MANBA: variants seen among roughly 807,000 people sequenced by gnomAD.
The protein encoded by MANBA is beta-mannosidase.
Under a neutral mutation model 111.1 loss-of-function variants are expected in MANBA, and 83 were observed. The ratio of observed to expected loss-of-function variants is 0.75; its 90% CI spans 0.63 to 0.90. MANBA has a LOEUF of 0.90. Ranked by LOEUF, MANBA falls within the 40% of genes least tolerant of loss-of-function variation. MANBA has a pLI of 0.00. For synonymous variants in MANBA, 370 were observed against 378.7 expected (o/e 0.98, Z 0.27); for missense variants, 1,036 against 1,069.0 (o/e 0.97, Z 0.43).
rs1270503700 is a variant in MANBA at position 102,760,782 on chromosome 4, A to G, written c.113T>C (p.Leu38Pro). Residue 38 changes from leucine to proline, a missense_variant, in exon 1 of 17, where the codon CTG becomes CCG. Coordinates refer to ENST00000647097, the MANE Select transcript of MANBA (RefSeq NM_005908.4). Reference protein sequence around the residue: ...NWSICNGNGSLELPGAVPGCV... With the variant: ...NWSICNGNGSPELPGAVPGCV... ...GCCAGGGACCGCCCCGGGCAGCTCC[A>G]GCGAGCCGTTCCCATTGCAGATGCT... The G allele has an allele frequency of 7.1e-6, 11 of 1,552,208 alleles. No homozygotes were observed. The highest frequency in any genetic ancestry group is 9.6e-6 in the Non-Finnish European group (11 of 1,148,304).
chr4:102,665,497 T>C (rs182283662), intron 10 of MANBA: 5 of 152,430 alleles, frequency 3.3e-5, no homozygotes, highest in East Asian at 1.9e-4. Context: ...TGTCGTGTCC[T>C]GAGAAATCAA....
intron 10 of MANBA, chr4:102,665,868 A>C (rs1423067733): frequency 1.3e-5 from 2 of 152,242 alleles, no homozygotes; most frequent in Non-Finnish European, 2.9e-5. Context: ...TGATGCTCTC[A>C]ATGTGTTCTC....
chr4:102,756,934 A>C (rs1464519923), intron 1 of MANBA, among the ~76,000 whole-genome samples: 1 of 152,026 alleles, frequency 6.6e-6, no homozygotes, highest in African/African-American at 2.4e-5. Context: ...GAAATTATTT[A>C]GTTTTCTGCC....
At chr4:102,718,461 C>T (rs1722431652) in intron 4 of MANBA, among the ~76,000 whole-genome samples, 1 of 152,080 alleles carries the variant, frequency 6.6e-6, no homozygotes, top group South Asian at 2.1e-4. Context: ...GAGAAAGGCC[C>T]TATAATATAA....
chr4:102,665,936 A>G (rs973382187), intron 10 of MANBA: 3 of 152,238 alleles, frequency 2.0e-5, no homozygotes, highest in Admixed American at 6.5e-5. Context: ...AAGGTATATT[A>G]AAGAGATATA....
chr4:102,739,140 A>C (rs1723316120), intron 1 of MANBA, among the ~76,000 whole-genome samples: 1 of 152,220 alleles, frequency 6.6e-6, no homozygotes, highest in Non-Finnish European at 1.5e-5. Flanking sequence ...GATACCACAG[A>C]AATACAAAAG....
At chr4:102,689,075 C>T (rs148661266) in intron 7 of MANBA, among the ~76,000 whole-genome samples, 137 of 152,170 alleles carry the variant, frequency 9.0e-4, no homozygotes, top group African/African-American at 3.1e-3. Context: ...TAAGGCCGGG[C>T]GCAGTGGCTC....
At chr4:102,632,680 C>T (rs1382617099) in intron 16 of MANBA, among the ~76,000 whole-genome samples, 3 of 152,216 alleles carry the variant, frequency 2.0e-5, no homozygotes, top group African/African-American at 7.2e-5. Context: ...GTGGAGCTTA[C>T]ATTCAAGTCT....
chr4:102,653,607 A>C (rs1419153539), intron 12 of MANBA, among the ~76,000 whole-genome samples: 1 of 152,200 alleles, frequency 6.6e-6, no homozygotes, highest in East Asian at 1.9e-4. Flanking sequence ...TTCTCAACTA[A>C]GCAGTGTAGC....
At chr4:102,754,305 C>A (rs1186913606) in intron 1 of MANBA, among the ~76,000 whole-genome samples, 1 of 151,980 alleles carries the variant, frequency 6.6e-6, no homozygotes, top group Admixed American at 6.6e-5. Flanking sequence ...AGCTATTTAA[C>A]TTTTAAATAT....
chr4:102,681,083 C>T (rs1731957277), intron 7 of MANBA, among the ~76,000 whole-genome samples: 1 of 152,176 alleles, frequency 6.6e-6, no homozygotes, highest in African/African-American at 2.4e-5. Flanking sequence ...GGGAGGGTTG[C>T]TTGAGGACAG....
intron 13 of MANBA, among the ~76,000 whole-genome samples, chr4:102,642,430 AC>A (rs1000851532): frequency 5.3e-5 from 8 of 152,072 alleles, no homozygotes; most frequent in African/African-American, 1.9e-4. Context: ...ACACGGTGAA[AC>A]CCCGTCTCTA....
At chr4:102,638,703 C>A (rs1729738110) in intron 14 of MANBA, among the ~76,000 whole-genome samples, 1 of 152,132 alleles carries the variant, frequency 6.6e-6, no homozygotes, top group South Asian at 2.1e-4. Context: ...CCAATTCTAC[C>A]CCTGATTCTC....
chr4:102,682,783 T>C (rs182094407), intron 7 of MANBA: 1 of 152,086 alleles, frequency 6.6e-6, no homozygotes. Flanking sequence ...TTGCCAGCAA[T>C]GATGAGAAAC....
chr4:102,684,269 T>C (rs951399045), intron 7 of MANBA, among the ~76,000 whole-genome samples: 5 of 152,088 alleles, frequency 3.3e-5, no homozygotes, highest in African/African-American at 9.7e-5. Flanking sequence ...ACAAGAGCAA[T>C]AGAGGTGAAA....
Position 102,668,856 on chromosome 4 carries a change from C to A in MANBA, c.1317+107G>T, listed in dbSNP as rs78025722. 0.016 allele frequency: 13,947 copies of A among 865,768 alleles called. 1,061 individuals are homozygous for A. In the African/African-American group the frequency reaches 0.18, roughly 11 times the overall value. The allele number at this position is 865,768 out of a possible 1,614,324, so 53.6% of individuals were successfully genotyped here. ...TCAATTACCTGGCTGTGTAATTTTT[C>A]ATGGGATTTAGTAGAGAACAAAAAC... On this transcript the variant is annotated intron_variant, in intron 10 of 16. Coordinates refer to ENST00000647097, the MANE Select transcript of MANBA (RefSeq NM_005908.4).
At chr4:102,752,654 A>T (rs1245700149) in intron 1 of MANBA, 1 of 557,634 alleles carries the variant, frequency 1.8e-6, no homozygotes, top group East Asian at 4.8e-5. Context: ...GTGAATGATA[A>T]ATTGATCATA....
chr4:102,695,884 G>C (rs1732684573), intron 5 of MANBA, among the ~76,000 whole-genome samples: 1 of 152,012 alleles, frequency 6.6e-6, no homozygotes, highest in South Asian at 2.1e-4. Context: ...AGCATTCTGG[G>C]GGCACTGTAA....
At chr4:102,657,535 T>A in intron 12 of MANBA, 147 bp downstream of exon 12, 4 of 717,866 alleles carry the variant, frequency 5.6e-6, no homozygotes, top group Admixed American at 2.6e-5. Context: ...CCCAAAGGTT[T>A]AAAAAAATTA....
Sources: gnomAD v4.1 joint callset for allele counts (sites outside exome capture counted in the v4.1 genomes callset) on GRCh38, gnomAD v4.1.1 for gene constraint, MANE v1.5 for transcripts, NCBI Gene and HGNC (gene_info 2026-07-23, HGNC 2026-07-21) for gene names.